The following PCDH15 variants were observed in gnomAD, a reference collection of about 807,000 sequenced individuals.
PCDH15 encodes the protein protocadherin related 15.
A neutral mutation model predicts 178.5 loss-of-function variants in PCDH15; 129 were observed. The observed-to-expected ratio is 0.72, with a 90% CI of 0.63 to 0.84. The LOEUF (loss-of-function observed/expected upper bound fraction) is 0.84. Ranked by LOEUF, PCDH15 falls within the 40% of genes least tolerant of loss-of-function variation. The pLI, the probability that PCDH15 is intolerant of heterozygous loss-of-function variation, is 0.00. For missense variants in PCDH15, 2,230 were observed against 2,099.9 expected (o/e 1.06, Z -1.21); for synonymous variants, 800 against 732.0 (o/e 1.09, Z -1.50).
chr10:54,415,692 G>A (rs2135717504), intron 3 of PCDH15, among the ~76,000 whole-genome samples: 1 of 152,096 alleles, frequency 6.6e-6, no homozygotes, highest in East Asian at 1.9e-4. Flanking sequence ...TATTATATTG[G>A]CCACTAGGGA....
intron 1 of PCDH15, among the ~76,000 whole-genome samples, chr10:55,217,216 G>A (rs968224607): frequency 2.6e-5 from 4 of 151,830 alleles, no homozygotes; most frequent in African/African-American, 9.7e-5. Context: ...AAAGAAATTT[G>A]TGAGACAGTT....
chr10:54,672,974 G>T (rs950946596), intron 1 of PCDH15, among the ~76,000 whole-genome samples: 1 of 151,922 alleles, frequency 6.6e-6, no homozygotes, highest in Non-Finnish European at 1.5e-5. Context: ...GACTTCACAT[G>T]TTTAATGACA....
At chr10:55,584,119 A>G (rs2132123808) in intron 2 of PCDH15, among the ~76,000 whole-genome samples, 1 of 152,074 alleles carries the variant, frequency 6.6e-6, no homozygotes, top group East Asian at 2.0e-4. Flanking sequence ...CTTGTGCTCA[A>G]AAACTTTCCT....
At chr10:54,879,534 CAAT>C (rs1327764223) in intron 3 of PCDH15, among the ~76,000 whole-genome samples, 2 of 151,660 alleles carry the variant, frequency 1.3e-5, no homozygotes, top group South Asian at 4.1e-4. Context: ...TGAAATCAGA[CAAT>C]AATAACACAT....
chr10:54,157,979 G>A (rs2045327161), intron 13 of PCDH15, among the ~76,000 whole-genome samples: 1 of 152,156 alleles, frequency 6.6e-6, no homozygotes, highest in Admixed American at 6.5e-5. Flanking sequence ...ACCTCAGGCT[G>A]GACTTTATTG....
In PCDH15 at chr10:54,174,376, C is replaced by CA. The variant is rs112450699; in HGVS notation, c.1590+9067dup. Among the ~76,000 whole-genome samples the CA allele has an allele frequency of 7.0e-3, 1,024 of 147,336 alleles. 4 individuals carry two copies. Among genetic ancestry groups the CA allele is most frequent in the African/African-American group, 0.02 (791 of 40,298 alleles). ...TGAAACCCCGTCTCTAATAAAAATACAAAAAAAAAATTGCCGGGCATGGTG... is the reference window on the plus strand; with the variant it reads ...TGAAACCCCGTCTCTAATAAAAATACAAAAAAAAAAATTGCCGGGCATGGTG... On this transcript the variant is annotated intron_variant, in intron 13 of 37. Coordinates refer to ENST00000644397, the MANE Select transcript of PCDH15 (RefSeq NM_001384140.1).
At chr10:55,288,540 C>G (rs962423429) in intron 1 of PCDH15, among the ~76,000 whole-genome samples, 1 of 151,890 alleles carries the variant, frequency 6.6e-6, no homozygotes, top group Non-Finnish European at 1.5e-5. Flanking sequence ...CTACTTCTCC[C>G]TCCTCCAGCA....
intron 1 of PCDH15, among the ~76,000 whole-genome samples, chr10:54,711,764 TA>T (rs1405960911): frequency 1.0e-5 from 1 of 97,136 alleles, no homozygotes; most frequent in Non-Finnish European, 2.8e-5. Context: ...TAAAAGTTAT[TA>T]TTTTTTTAAA....
chr10:54,657,409 C>T (rs1041866224), intron 2 of PCDH15, among the ~76,000 whole-genome samples: 1 of 152,142 alleles, frequency 6.6e-6, no homozygotes, highest in Admixed American at 6.6e-5. Flanking sequence ...TGAGCAGGCT[C>T]TTATGCTTAA....
chr10:54,963,290 G>A (rs1475993840), intron 2 of PCDH15, among the ~76,000 whole-genome samples: 1 of 151,552 alleles, frequency 6.6e-6, no homozygotes, highest in East Asian at 1.9e-4. Context: ...GAAGGTGTCA[G>A]TGGCAAAAGA....
intron 2 of PCDH15, among the ~76,000 whole-genome samples, chr10:55,478,919 A>C (rs1308544496): frequency 7.1e-6 from 1 of 140,226 alleles, no homozygotes; most frequent in African/African-American, 2.7e-5. Context: ...GTAATCTACC[A>C]AAATTGAATC....
At chr10:55,037,436 G>A (rs1348000133) in intron 2 of PCDH15, among the ~76,000 whole-genome samples, 2 of 152,090 alleles carry the variant, frequency 1.3e-5, no homozygotes, top group African/African-American at 4.8e-5. Context: ...GTTTCACCAT[G>A]TTGGCCAGGC....
chr10:55,390,855 G>A (rs1172839828), intron 2 of PCDH15, among the ~76,000 whole-genome samples: 1 of 152,160 alleles, frequency 6.6e-6, no homozygotes, highest in Non-Finnish European at 1.5e-5. Context: ...AAAACATTCA[G>A]TGAATCATTG....
intron 3 of PCDH15, among the ~76,000 whole-genome samples, chr10:54,817,780 T>C (rs956244591): frequency 6.6e-6 from 1 of 152,076 alleles, no homozygotes; most frequent in East Asian, 1.9e-4. Context: ...ATGCTAAATT[T>C]ACTAAGAGAA....
intron 2 of PCDH15, among the ~76,000 whole-genome samples, chr10:55,510,888 A>T (rs1322355863): frequency 1.3e-5 from 2 of 150,500 alleles, no homozygotes; most frequent in Non-Finnish European, 3.0e-5. Context: ...TTGAGATAGG[A>T]TCTTACTCTT....
intron 1 of PCDH15, among the ~76,000 whole-genome samples, chr10:54,760,765 T>G (rs2133134506): frequency 6.6e-6 from 1 of 152,260 alleles, no homozygotes; most frequent in African/African-American, 2.4e-5. Context: ...TTGATGAGCA[T>G]CATTTTCATG....
At chr10:55,470,940 T>G (rs1297131218) in intron 2 of PCDH15, among the ~76,000 whole-genome samples, 2 of 152,160 alleles carry the variant, frequency 1.3e-5, no homozygotes, top group Non-Finnish European at 2.9e-5. Flanking sequence ...TAGGCTTCTT[T>G]CACTTTGTAA....
rs191384979 is a variant in PCDH15 at position 54,907,692 on chromosome 10, G to C, written c.-79-10192C>G. On this transcript the variant is annotated intron_variant, in intron 2 of 5. Coordinates refer to the PCDH15 transcript ENST00000458638. ...TGCTCCCCAAATTGTCCCTTAAATA[G>C]TTTATGTCTGTAAGCACAATAATAA... is the stretch of plus-strand genomic sequence containing the variant. 5.7e-4 allele frequency among the ~76,000 whole-genome samples: 87 copies of C among 152,190 alleles called. 1 individual carries two copies. The East Asian group carries it at 7.0e-3, about 12-fold the overall frequency.
chr10:54,032,596 T>C (rs942901196), intron 18 of PCDH15, among the ~76,000 whole-genome samples: 1 of 152,054 alleles, frequency 6.6e-6, no homozygotes, highest in Non-Finnish European at 1.5e-5. Context: ...AGAAGGTATG[T>C]TTTCTGTTTA....
Sources: allele counts gnomAD v4.1 joint callset (sites outside exome capture counted in the v4.1 genomes callset), GRCh38; gene constraint gnomAD v4.1.1; transcripts MANE v1.5; gene names NCBI Gene and HGNC (gene_info 2026-07-23, HGNC 2026-07-21).